Variants in CMSS1 observed in about 807,000 individuals in gnomAD.
CMSS1 encodes cms1 ribosomal small subunit homolog.
CMSS1 carries 33 observed loss-of-function variants against 43.5 expected under a neutral mutation model. That is an observed-to-expected ratio of 0.76 (90% CI 0.57 to 1.01). CMSS1 has a LOEUF of 1.01. CMSS1 is among the 50% of genes least tolerant of loss of function. The probability of loss-of-function intolerance (pLI) is 0.00; values close to 1 mark genes in which losing one functional copy is unlikely to be tolerated. For missense variants in CMSS1, 313 were observed against 326.4 expected, an observed-to-expected ratio of 0.96 and a Z score of 0.32; for synonymous variants, 115 against 117.2, an observed-to-expected ratio of 0.98 and a Z score of 0.12.
At chr3:99,963,283 C>T (rs1019985439) in intron 1 of CMSS1, among the ~76,000 whole-genome samples, 20 of 152,068 alleles carry the variant, frequency 1.3e-4, no homozygotes, top group African/African-American at 3.9e-4. Flanking sequence ...TTGACTGATC[C>T]CATGTGGTGG....
At chr3:100,115,575 G>GTCTCTCTCTCTTTCTCTCTCTCTC (rs2066555113) in intron 1 of CMSS1, among the ~76,000 whole-genome samples, 1 of 97,954 alleles carries the variant, frequency 1.0e-5, no homozygotes, top group Non-Finnish European at 2.1e-5. Flanking sequence ...CTCTCTCTCT[G>GTCTCTCTCTCTTTCTCTCTCTCTC]TCTCTCTCTC....
At chr3:99,876,027 A>ACAG (rs983619013) in intron 1 of CMSS1, 9 of 984,730 alleles carry the variant, frequency 9.1e-6, no homozygotes, top group Non-Finnish European at 1.1e-5. Flanking sequence ...TGGCTGTCTG[A>ACAG]CAGCAGTGCC....
intron 1 of CMSS1, among the ~76,000 whole-genome samples, chr3:99,961,989 G>T (rs568561319): frequency 1.1e-4 from 16 of 152,296 alleles, no homozygotes; most frequent in African/African-American, 2.6e-4. Flanking sequence ...TATTATAGGG[G>T]CCCCAAATTT....
rs1942355384 is a variant in CMSS1 at position 99,818,034 on chromosome 3, A to C, written c.55A>C (p.Ser19Arg). ...GGAGAACCAGCCGACTGGAGCAGGC[A>C]GCAGCCCAGGTACCCACTCTGTGCC... ...WWENQPTGAG[S>R]SPEASDGEGE... is the part of the protein sequence containing the mutation. The change falls in exon 1 of 10, where the codon AGC becomes CGC. Residue 19 changes from serine to arginine, a missense_variant. Ser to Arg is a moderately radical substitution (Grantham distance 110). Transcript: ENST00000421999. 6.2e-7 allele frequency: 1 copy of C among 1,613,656 alleles called. No homozygotes were observed.
At chr3:99,969,280 C>T (rs1708745129) in intron 1 of CMSS1, among the ~76,000 whole-genome samples, 1 of 152,118 alleles carries the variant, frequency 6.6e-6, no homozygotes, top group Non-Finnish European at 1.5e-5. Flanking sequence ...ATGTCATCTG[C>T]AGAGAAGGAT....
chr3:100,088,256 T>C (rs2066046724), intron 1 of CMSS1, among the ~76,000 whole-genome samples: 1 of 152,192 alleles, frequency 6.6e-6, no homozygotes, highest in African/African-American at 2.4e-5. Context: ...ATCCCTTACC[T>C]AAACCAAAAG....
At chr3:100,161,856 C>T (rs1404618178) in intron 3 of CMSS1, among the ~76,000 whole-genome samples, 1 of 152,184 alleles carries the variant, frequency 6.6e-6, no homozygotes, top group Non-Finnish European at 1.5e-5. Context: ...CAGATTCCTA[C>T]TGCGGGTTTT....
At chr3:99,941,197 T>C (rs1268562678) in intron 1 of CMSS1, among the ~76,000 whole-genome samples, 1 of 152,222 alleles carries the variant, frequency 6.6e-6, no homozygotes, top group Non-Finnish European at 1.5e-5. Context: ...CGTCTTTTTT[T>C]TTTAGACACA....
At chr3:100,085,978 A>G (rs186620581) in intron 1 of CMSS1, among the ~76,000 whole-genome samples, 14 of 152,240 alleles carry the variant, frequency 9.2e-5, no homozygotes, top group African/African-American at 3.4e-4. Flanking sequence ...GAGTTTAGTC[A>G]TTGGACAAGT....
chr3:100,034,615 T>A (rs1222583891), intron 1 of CMSS1, among the ~76,000 whole-genome samples: 1 of 152,226 alleles, frequency 6.6e-6, no homozygotes, highest in Non-Finnish European at 1.5e-5. Flanking sequence ...TCAGTAAAAC[T>A]AAGCAGACAC....
At chr3:100,051,663 A>C (rs146459399) in intron 1 of CMSS1, among the ~76,000 whole-genome samples, 27 of 151,714 alleles carry the variant, frequency 1.8e-4, no homozygotes, top group African/African-American at 5.8e-4. Flanking sequence ...AGCTTCATCC[A>C]TGTCCCTACA....
intron 1 of CMSS1, among the ~76,000 whole-genome samples, chr3:100,093,733 C>T (rs2107440623): frequency 6.6e-6 from 1 of 152,292 alleles, no homozygotes; most frequent in South Asian, 2.1e-4. Flanking sequence ...GAAACCCTGG[C>T]AATCACTACT....
At chr3:99,850,911 A>C in intron 1 of CMSS1, 1 of 1,614,104 alleles carries the variant, frequency 6.2e-7, no homozygotes, top group Non-Finnish European at 8.5e-7. Flanking sequence ...TCTGTCTTTG[A>C]AGGGTGAGCT....
chr3:100,047,417 A>G (rs1435016803), intron 1 of CMSS1, among the ~76,000 whole-genome samples: 1 of 152,234 alleles, frequency 6.6e-6, no homozygotes, highest in Non-Finnish European at 1.5e-5. Context: ...GAAAGCTTTT[A>G]TGACTTAACT....
chr3:99,895,324 C>T (rs1405925570), intron 1 of CMSS1, among the ~76,000 whole-genome samples: 1 of 151,902 alleles, frequency 6.6e-6, no homozygotes, highest in African/African-American at 2.4e-5. Flanking sequence ...AATCATAATC[C>T]AACTAGCTTT....
At chr3:99,968,262 T>A (rs772069569) in intron 1 of CMSS1, among the ~76,000 whole-genome samples, 20 of 152,062 alleles carry the variant, frequency 1.3e-4, no homozygotes, top group Non-Finnish European at 2.5e-4. Flanking sequence ...TTAACCTTCT[T>A]TGAACAAAAA....
At position 99,925,579 on chromosome 3, in the gene CMSS1, T is replaced by TA. The variant is rs34149588; in HGVS notation, c.64+107544dup. Among the ~76,000 whole-genome samples the TA allele has an allele frequency of 2.0e-5, 3 of 151,882 alleles. No homozygotes were observed. In the South Asian group the frequency reaches 6.2e-4, roughly 32 times the overall value. On this transcript the variant is annotated intron_variant, in intron 1 of 9. Transcript: ENST00000421999. ...ATGTGGGACACTTCCAGCAGTAGTT[T>TA]AAAAAAAATTTTTGATTAACAAAAG...
intron 2 of CMSS1, among the ~76,000 whole-genome samples, chr3:100,152,335 A>G (rs2066926020): frequency 6.6e-6 from 1 of 151,984 alleles, no homozygotes; most frequent in Non-Finnish European, 1.5e-5. Context: ...AGCCCAAACT[A>G]GTGGTATTTC....
At chr3:100,172,542 T>C (rs1229520977) in intron 8 of CMSS1, 139 bp downstream of exon 8, 4 of 645,174 alleles carry the variant, frequency 6.2e-6, no homozygotes, top group Non-Finnish European at 1.1e-5. Context: ...CAGCCTTTAA[T>C]CTCTGAAACC....
Sources: gnomAD v4.1 joint callset for allele counts (sites outside exome capture counted in the v4.1 genomes callset) on GRCh38, gnomAD v4.1.1 for gene constraint, MANE v1.5 for transcripts, NCBI Gene and HGNC (gene_info 2026-07-23, HGNC 2026-07-21) for gene names.